Variants in OPCML observed in about 807,000 individuals in gnomAD.
OPCML encodes the protein opioid-binding protein/cell adhesion molecule.
OPCML carries 13 observed loss-of-function variants against 37.8 expected under a neutral mutation model. The ratio of observed to expected loss-of-function variants is 0.34; its 90% confidence interval spans 0.22 to 0.55. The LOEUF (loss-of-function observed/expected upper bound fraction) is 0.55. Among genes scored for constraint, OPCML ranks in the 20% least tolerant of loss-of-function variants. The probability of loss-of-function intolerance (pLI) is 0.91; values close to 1 mark genes in which losing one functional copy is unlikely to be tolerated. For missense variants in OPCML, 341 were observed against 435.6 expected, an observed-to-expected ratio of 0.78 and a Z score of 1.93; for synonymous variants, 176 against 168.8, an observed-to-expected ratio of 1.04 and a Z score of -0.33.
chr11:132,971,187 T>G (rs78301847), intron 1 of OPCML, among the ~76,000 whole-genome samples: 2 of 152,182 alleles, frequency 1.3e-5, no homozygotes, highest in African/African-American at 4.8e-5. Context: ...ACAAGATTGA[T>G]GAAGGCCTTA....
chr11:133,128,775 C>G (rs1949559197), intron 1 of OPCML, among the ~76,000 whole-genome samples: 1 of 152,170 alleles, frequency 6.6e-6, no homozygotes, highest in East Asian at 1.9e-4. Flanking sequence ...TTCATTGACA[C>G]CAGGAGAGGG....
Position 133,211,968 on chromosome 11 carries a change from G to T in OPCML, c.62-268958C>A, listed in dbSNP as rs1371921347. 6.6e-6 allele frequency among the ~76,000 whole-genome samples: 1 copy of T among 152,100 alleles called. No homozygotes were observed. The highest frequency in any genetic ancestry group is 1.5e-5 in the Non-Finnish European group (1 of 68,020). On this transcript the variant is annotated intron_variant, in intron 1 of 7. Transcript: ENST00000524381. The surrounding 1 kb of genome is among the most constrained non-coding windows in gnomAD (Gnocchi z 4.1). ...TATATACTCAAACAAAGCCATGAAC[G>T]CTGGGCTGTCAGATGGCAAGCCTAG...
At chr11:133,023,549 A>G (rs1225959149) in intron 1 of OPCML, among the ~76,000 whole-genome samples, 1 of 152,238 alleles carries the variant, frequency 6.6e-6, no homozygotes, top group Non-Finnish European at 1.5e-5. Flanking sequence ...GCCTATTTGC[A>G]GAAATCAATA....
At chr11:132,679,248 C>T (rs1276309500) in intron 2 of OPCML, among the ~76,000 whole-genome samples, 1 of 152,000 alleles carries the variant, frequency 6.6e-6, no homozygotes, top group Admixed American at 6.6e-5. Context: ...TTCCTAGATA[C>T]ATACACAGGA....
intron 1 of OPCML, among the ~76,000 whole-genome samples, chr11:133,530,827 T>C (rs941895169): frequency 6.6e-6 from 1 of 152,176 alleles, no homozygotes; most frequent in African/African-American, 2.4e-5. Context: ...TCCTCTCTTC[T>C]TTCTCCCCAG....
At chr11:133,278,432 G>A (rs956861637) in intron 1 of OPCML, among the ~76,000 whole-genome samples, 1 of 152,048 alleles carries the variant, frequency 6.6e-6, no homozygotes, top group Non-Finnish European at 1.5e-5. Flanking sequence ...ATCAATGAAA[G>A]GATAATTCTA....
intron 4 of OPCML, among the ~76,000 whole-genome samples, chr11:132,444,582 C>T (rs4936167): frequency 0.12 from 17,606 of 152,214 alleles, 1,643 homozygotes; most frequent in African/African-American, 0.24. Flanking sequence ...CAGCAGCTAA[C>T]GTAGGCTAAG....
intron 1 of OPCML, among the ~76,000 whole-genome samples, chr11:133,271,854 A>C (rs1941847220): frequency 1.3e-5 from 2 of 152,240 alleles, no homozygotes; most frequent in Admixed American, 6.5e-5. Context: ...TTCGATGAGC[A>C]CTTAGTATGC....
chr11:132,457,265 C>T (rs77805410), intron 4 of OPCML, among the ~76,000 whole-genome samples: 2,397 of 152,250 alleles, frequency 0.016, 34 homozygotes, highest in Middle Eastern at 0.048. Context: ...CATGAGTGGC[C>T]TTGAACACAG....
intron 1 of OPCML, chr11:133,422,377 T>TTATATA (rs10525519): frequency 0.019 from 16,068 of 833,592 alleles, 650 homozygotes; most frequent in East Asian, 0.083. Context: ...ACCAAAGACA[T>TTATATA]TATATATATA....
intron 2 of OPCML, among the ~76,000 whole-genome samples, chr11:132,837,267 C>T (rs1021121270): frequency 6.6e-6 from 1 of 152,050 alleles, no homozygotes; most frequent in African/African-American, 2.4e-5. Context: ...TGACCGAGAT[C>T]GCGCCATTGC....
At chr11:132,748,200 C>G (rs1945704521) in intron 2 of OPCML, among the ~76,000 whole-genome samples, 2 of 151,974 alleles carry the variant, frequency 1.3e-5, no homozygotes. Flanking sequence ...TTTGTTAAGA[C>G]ACTAAAACAC....
At chr11:132,716,926 T>C (rs1487190065) in intron 2 of OPCML, among the ~76,000 whole-genome samples, 4 of 152,146 alleles carry the variant, frequency 2.6e-5, no homozygotes, top group African/African-American at 7.2e-5. Flanking sequence ...AAAATGGATA[T>C]AGTACATGAA....
chr11:132,513,481 T>A (rs189368624), intron 4 of OPCML, among the ~76,000 whole-genome samples: 1 of 152,200 alleles, frequency 6.6e-6, no homozygotes, highest in Non-Finnish European at 1.5e-5. Flanking sequence ...GAAAGCAGTG[T>A]CATAATGGGA....
At chr11:133,513,121 A>G (rs1948193872) in intron 1 of OPCML, among the ~76,000 whole-genome samples, 1 of 152,174 alleles carries the variant, frequency 6.6e-6, no homozygotes, top group Admixed American at 6.5e-5. Context: ...ACAGAAGAAT[A>G]TGAAGAGAGA....
chr11:133,212,291 G>A lies in OPCML; in HGVS notation c.62-269281C>T, dbSNP rs555491454. On this transcript the variant is annotated intron_variant, in intron 1 of 7. Coordinates refer to ENST00000524381, the MANE Select transcript of OPCML (RefSeq NM_001012393.5). This position sits in a 1 kb window ranked among gnomAD's most constrained non-coding sequence, Gnocchi z 4.9. Reference sequence around the variant, plus strand: ...AGTCCGTGACAGCCTACACAGCTGGGCATCATCTACCGCCCTGCTTCCCAT... The same window carrying A: ...AGTCCGTGACAGCCTACACAGCTGGACATCATCTACCGCCCTGCTTCCCAT... Among the ~76,000 whole-genome samples, 1 of 152,244 alleles carries A rather than the reference G, an allele frequency of 6.6e-6. No homozygotes were observed. Among genetic ancestry groups the A allele is most frequent in the South Asian group, 2.1e-4 (1 of 4,820 alleles).
At chr11:132,793,812 G>A (rs549000959) in intron 2 of OPCML, among the ~76,000 whole-genome samples, 7 of 152,182 alleles carry the variant, frequency 4.6e-5, no homozygotes, top group African/African-American at 1.2e-4. Flanking sequence ...TGCTGAGTTC[G>A]CACTAACGAT....
At chr11:133,463,899 T>C (rs1159397584) in intron 1 of OPCML, among the ~76,000 whole-genome samples, 1 of 152,198 alleles carries the variant, frequency 6.6e-6, no homozygotes, top group Non-Finnish European at 1.5e-5. Context: ...GGGGTGATGG[T>C]TGGCAATTGA....
chr11:133,303,340 G>A (rs150313537), intron 1 of OPCML, among the ~76,000 whole-genome samples: 139 of 152,234 alleles, frequency 9.1e-4, no homozygotes, highest in African/African-American at 2.8e-3. Flanking sequence ...GCAATCATAC[G>A]CATTGCATGA....
Sources: allele counts gnomAD v4.1 joint callset (sites outside exome capture counted in the v4.1 genomes callset), GRCh38; gene constraint gnomAD v4.1.1; non-coding constraint Gnocchi (gnomAD v3.1); transcripts MANE v1.5; gene names NCBI Gene and HGNC (gene_info 2026-07-23, HGNC 2026-07-21).